GPR158: variants seen among roughly 807,000 people sequenced by gnomAD.
GPR158 encodes the protein G protein-coupled receptor 158.
A neutral mutation model predicts 78.2 loss-of-function variants in GPR158; 30 were observed. The observed-to-expected ratio is 0.38, with a 90% CI of 0.29 to 0.52. GPR158 has a LOEUF of 0.52. GPR158 is among the 20% of genes least tolerant of loss of function. The pLI is 0.83. For synonymous variants in GPR158, 581 were observed against 591.1 expected, an observed-to-expected ratio of 0.98 and a Z score of 0.25; for missense variants, 1,463 against 1,523.5, an observed-to-expected ratio of 0.96 and a Z score of 0.66.
intron 2 of GPR158, among the ~76,000 whole-genome samples, chr10:25,327,307 C>T (rs1855050171): frequency 6.6e-6 from 1 of 152,064 alleles, no homozygotes; most frequent in Non-Finnish European, 1.5e-5. Context: ...AACCTGAAGC[C>T]TTGATTCAGT....
intron 4 of GPR158, among the ~76,000 whole-genome samples, chr10:25,447,317 A>T (rs1279796911): frequency 6.6e-6 from 1 of 152,240 alleles, no homozygotes; most frequent in Non-Finnish European, 1.5e-5. Flanking sequence ...AAAATAAACT[A>T]AATGAATATT....
At chr10:25,519,503 A>G (rs1836228144) in intron 5 of GPR158, among the ~76,000 whole-genome samples, 1 of 135,298 alleles carries the variant, frequency 7.4e-6, no homozygotes, top group Non-Finnish European at 1.5e-5. Context: ...ATTTTGCAGC[A>G]GCTGGTACCG....
intron 3 of GPR158, among the ~76,000 whole-genome samples, chr10:25,406,158 T>G (rs1834512703): frequency 6.6e-6 from 1 of 152,174 alleles, no homozygotes; most frequent in Non-Finnish European, 1.5e-5. Flanking sequence ...TTTTCTTTTC[T>G]GCCTCAGGGC....
intron 4 of GPR158, among the ~76,000 whole-genome samples, chr10:25,455,691 A>T (rs1323624933): frequency 6.6e-6 from 1 of 152,162 alleles, no homozygotes; most frequent in Non-Finnish European, 1.5e-5. Context: ...TTACTTACTC[A>T]TGTTCATGAT....
At chr10:25,569,524 A>G (rs1248439547) in intron 6 of GPR158, among the ~76,000 whole-genome samples, 1 of 152,182 alleles carries the variant, frequency 6.6e-6, no homozygotes, top group Non-Finnish European at 1.5e-5. Flanking sequence ...ACTGTTTCTC[A>G]ACCTGATGAA....
At position 25,486,812 on chromosome 10, in the gene GPR158, C is replaced by CT. The variant is rs138444360; in HGVS notation, c.1404+20093_1404+20094insT. On this transcript the variant is annotated intron_variant, in intron 5 of 10. Coordinates refer to ENST00000376351, the MANE Select transcript of GPR158 (RefSeq NM_020752.3). The stretch of plus-strand genomic sequence containing the variant: ...TTTGTTTGTTCTAACTATGATAGAC[C>CT]ATTTTTTTTTGGTAAAATACAGTAA... 9.8e-3 allele frequency among the ~76,000 whole-genome samples: 1,477 copies of CT among 150,390 alleles called. 25 individuals carry two copies. Among genetic ancestry groups the CT allele is most frequent in the African/African-American group, 0.032 (1,315 of 41,200 alleles).
intron 1 of GPR158, among the ~76,000 whole-genome samples, chr10:25,196,893 T>C (rs1234154581): frequency 6.6e-6 from 1 of 152,216 alleles, no homozygotes; most frequent in East Asian, 1.9e-4. Flanking sequence ...CCACTCACAC[T>C]CCTGATGCCT....
intron 6 of GPR158, among the ~76,000 whole-genome samples, chr10:25,558,924 G>A (rs1236383933): frequency 6.6e-6 from 1 of 152,112 alleles, no homozygotes; most frequent in African/African-American, 2.4e-5. Flanking sequence ...GGTCTATCTT[G>A]GTAAATGTTC....
At chr10:25,442,577 C>T (rs370528359) in intron 4 of GPR158, among the ~76,000 whole-genome samples, 11 of 151,986 alleles carry the variant, frequency 7.2e-5, no homozygotes, top group East Asian at 3.9e-4. Context: ...TATATTAATA[C>T]GTCAGTATGT....
At chr10:25,387,619 G>A (rs1834240376) in intron 2 of GPR158, among the ~76,000 whole-genome samples, 1 of 151,468 alleles carries the variant, frequency 6.6e-6, no homozygotes. Flanking sequence ...GGGTTCAAGT[G>A]ATTCTTGTGC....
chr10:25,322,838 A>G (rs780994646), intron 2 of GPR158, among the ~76,000 whole-genome samples: 1 of 151,382 alleles, frequency 6.6e-6, no homozygotes, highest in Non-Finnish European at 1.5e-5. Context: ...TGAAATTGGC[A>G]AGTCTTTTTT....
At chr10:25,593,776 C>A (rs1458014932) in intron 8 of GPR158, among the ~76,000 whole-genome samples, 1 of 151,958 alleles carries the variant, frequency 6.6e-6, no homozygotes, top group East Asian at 1.9e-4. Flanking sequence ...ATTTTATAAA[C>A]CATTAGTATG....
chr10:25,327,900 ATTAAG>A (rs1855059959), intron 2 of GPR158, among the ~76,000 whole-genome samples: 1 of 152,216 alleles, frequency 6.6e-6, no homozygotes, highest in Non-Finnish European at 1.5e-5. Flanking sequence ...GTTTGTATAC[ATTAAG>A]TTATTATAGA....
At chr10:25,488,393 C>T (rs976520121) in intron 5 of GPR158, among the ~76,000 whole-genome samples, 3 of 152,126 alleles carry the variant, frequency 2.0e-5, no homozygotes, top group East Asian at 1.9e-4. Flanking sequence ...AAGAGAATTA[C>T]GTGTATTGTG....
intron 2 of GPR158, among the ~76,000 whole-genome samples, chr10:25,366,939 C>A (rs1297444394): frequency 2.6e-5 from 4 of 151,702 alleles, no homozygotes; most frequent in African/African-American, 9.6e-5. Flanking sequence ...CGGAAGAGTT[C>A]TTTTATATTG....
intron 8 of GPR158, among the ~76,000 whole-genome samples, chr10:25,591,010 T>A (rs987980939): frequency 2.0e-5 from 3 of 152,140 alleles, no homozygotes; most frequent in South Asian, 4.1e-4. Context: ...TAAATGAATC[T>A]TTTAAAAGTT....
At chr10:25,478,091 G>A (rs1317403678) in intron 5 of GPR158, among the ~76,000 whole-genome samples, 3 of 152,144 alleles carry the variant, frequency 2.0e-5, no homozygotes, top group Non-Finnish European at 4.4e-5. Flanking sequence ...GCTGCCCAGT[G>A]TGCATATTCT....
intron 8 of GPR158, among the ~76,000 whole-genome samples, chr10:25,591,821 A>C (rs911453347): frequency 6.6e-6 from 1 of 152,090 alleles, no homozygotes; most frequent in African/African-American, 2.4e-5. Flanking sequence ...AGCTACTCTC[A>C]GAAATATAAT....
chr10:25,357,000 G>A (rs11818891), intron 2 of GPR158, among the ~76,000 whole-genome samples: 1,603 of 152,120 alleles, frequency 0.011, 27 homozygotes, highest in African/African-American at 0.037. Context: ...AATAAGGTCC[G>A]GGCTGAAGTG....
Sources: allele counts gnomAD v4.1 joint callset (sites outside exome capture counted in the v4.1 genomes callset), GRCh38; gene constraint gnomAD v4.1.1; transcripts MANE v1.5; gene names NCBI Gene and HGNC (gene_info 2026-07-23, HGNC 2026-07-21).